Variants in PTPRD observed in about 807,000 individuals in gnomAD.
The protein encoded by PTPRD is protein tyrosine phosphatase receptor type D, also known as receptor-type tyrosine-protein phosphatase delta.
A neutral mutation model predicts 214.5 loss-of-function variants in PTPRD; 34 were observed. That is an observed-to-expected ratio of 0.16 (90% CI 0.12 to 0.21). The LOEUF (loss-of-function observed/expected upper bound fraction) is 0.21, where lower values mean the gene tolerates loss of function less well. Among genes scored for constraint, PTPRD ranks in the 10% least tolerant of loss-of-function variants. PTPRD has a pLI of 1.00. For missense variants in PTPRD, 2,545 were observed against 2,398.7 expected, an observed-to-expected ratio of 1.06 and a Z score of -1.27; for synonymous variants, 1,128 against 845.7, an observed-to-expected ratio of 1.33 and a Z score of -5.79.
intron 35 of PTPRD, among the ~76,000 whole-genome samples, chr9:8,434,669 A>G (rs1287464895): frequency 6.6e-6 from 1 of 152,198 alleles, no homozygotes; most frequent in Non-Finnish European, 1.5e-5. Flanking sequence ...CTATGAAAAA[A>G]TATCACATGG....
intron 2 of PTPRD, among the ~76,000 whole-genome samples, chr9:10,506,785 G>A (rs2046131933): frequency 6.6e-6 from 1 of 152,156 alleles, no homozygotes; most frequent in Non-Finnish European, 1.5e-5. Flanking sequence ...ATTTTAGAAT[G>A]TATTTTTGTA....
At chr9:10,382,498 C>T (rs2097844377) in intron 2 of PTPRD, among the ~76,000 whole-genome samples, 1 of 151,820 alleles carries the variant, frequency 6.6e-6, no homozygotes, top group African/African-American at 2.4e-5. Flanking sequence ...TATTGAAATA[C>T]AATCTGAATT....
intron 4 of PTPRD, among the ~76,000 whole-genome samples, chr9:9,941,320 G>C (rs1226112665): frequency 2.6e-5 from 4 of 152,084 alleles, no homozygotes; most frequent in Non-Finnish European, 5.9e-5. Context: ...TTAAGTGAAT[G>C]AAGAAATATG....
intron 14 of PTPRD, among the ~76,000 whole-genome samples, chr9:8,531,324 T>C (rs1233191755): frequency 1.3e-5 from 2 of 152,108 alleles, no homozygotes; most frequent in East Asian, 3.9e-4. Context: ...TCTTTATGGC[T>C]TTAAAGGTTT....
chr9:9,956,450 C>T (rs1306098551), intron 4 of PTPRD, among the ~76,000 whole-genome samples: 1 of 152,032 alleles, frequency 6.6e-6, no homozygotes, highest in Non-Finnish European at 1.5e-5. Context: ...AAATCCAGTT[C>T]ATTGTTTTTA....
chr9:10,286,928 C>T (rs545854540), intron 3 of PTPRD, among the ~76,000 whole-genome samples: 1 of 152,008 alleles, frequency 6.6e-6, no homozygotes, highest in Non-Finnish European at 1.5e-5. Context: ...TTGGTATCAA[C>T]CCATACACAA....
intron 4 of PTPRD, among the ~76,000 whole-genome samples, chr9:9,984,012 A>G (rs1263758536): frequency 6.6e-6 from 1 of 152,206 alleles, no homozygotes; most frequent in African/African-American, 2.4e-5. Flanking sequence ...ATATCGAAGT[A>G]AAACAAAAAA....
chr9:8,782,504 C>T (rs902750352), intron 11 of PTPRD, among the ~76,000 whole-genome samples: 2 of 151,652 alleles, frequency 1.3e-5, no homozygotes, highest in Non-Finnish European at 2.9e-5. Flanking sequence ...ATGGCTAAAA[C>T]ATATGCCAAA....
intron 6 of PTPRD, among the ~76,000 whole-genome samples, chr9:9,745,035 T>A (rs1261878951): frequency 1.3e-5 from 2 of 152,110 alleles, no homozygotes; most frequent in Non-Finnish European, 2.9e-5. Flanking sequence ...TGATTTCGAT[T>A]GAAACATTTT....
intron 6 of PTPRD, among the ~76,000 whole-genome samples, chr9:9,760,651 C>CAT (rs2098646084): frequency 1.4e-5 from 1 of 71,504 alleles, no homozygotes; most frequent in Admixed American, 1.4e-4. Flanking sequence ...CACACACACA[C>CAT]ACATATATAT....
chr9:8,485,924 G>A lies in PTPRD; in HGVS notation c.2893C>T (p.Leu965Phe), dbSNP rs1295362978. The A allele has an allele frequency of 1.9e-6, 3 of 1,614,082 alleles. No homozygotes were observed. Among genetic ancestry groups the A allele is most frequent in the South Asian group, 1.1e-5 (1 of 91,084 alleles). The change falls in exon 28 of 46, where the codon CTT (leucine) becomes TTT (phenylalanine). Residue 965 changes from leucine (L) to phenylalanine (F), a missense_variant. Coordinates refer to ENST00000381196, the MANE Select transcript of PTPRD (RefSeq NM_002839.4). ...ACAATAAGCTGCTCCATCGGGAGAAGGGGGATGTTGATATCCCTATAAAGA... is the reference window on the plus strand; with the variant it reads ...ACAATAAGCTGCTCCATCGGGAGAAAGGGGATGTTGATATCCCTATAAAGA... ...TLLYRDINIP[L>F]LPMEQLIVPA...
At chr9:9,326,211 T>C (rs569980401) in intron 9 of PTPRD, among the ~76,000 whole-genome samples, 1 of 152,264 alleles carries the variant, frequency 6.6e-6, no homozygotes, top group East Asian at 1.9e-4. Flanking sequence ...CAGGAAGCCG[T>C]ATCTTTTAGC....
At chr9:8,725,965 A>C (rs1247170109) in intron 12 of PTPRD, among the ~76,000 whole-genome samples, 2 of 151,590 alleles carry the variant, frequency 1.3e-5, no homozygotes, top group African/African-American at 2.4e-5. Context: ...CACTGTTTAA[A>C]ATTTTTATAT....
At chr9:8,910,995 A>G (rs2098742948) in intron 11 of PTPRD, among the ~76,000 whole-genome samples, 1 of 152,212 alleles carries the variant, frequency 6.6e-6, no homozygotes, top group Non-Finnish European at 1.5e-5. Context: ...GATTAAAGAC[A>G]CTATTATTAA....
chr9:9,840,729 C>G (rs1484582619), intron 5 of PTPRD, among the ~76,000 whole-genome samples: 4 of 117,718 alleles, frequency 3.4e-5, no homozygotes, highest in African/African-American at 1.3e-4. Flanking sequence ...CACCACTGCA[C>G]TCCAGCCTGG....
In PTPRD at chr9:9,031,214, T is replaced by C. The variant is rs569858617; in HGVS notation, c.-142-12479A>G. Among the ~76,000 whole-genome samples the C allele has an allele frequency of 7.6e-4, 114 of 149,466 alleles. 1 individual carries two copies. The highest frequency in any genetic ancestry group is 2.5e-3 in the African/African-American group (101 of 40,626). Reference sequence around the variant, plus strand: ...ACCATATAAATACTTACTAGTATTATATTACTAATGCCTGAAAGGTCCTTG... The same window carrying C: ...ACCATATAAATACTTACTAGTATTACATTACTAATGCCTGAAAGGTCCTTG... On this transcript the variant is annotated intron_variant, in intron 10 of 45. Transcript: ENST00000381196.
At chr9:10,193,037 A>T (rs968757874) in intron 3 of PTPRD, among the ~76,000 whole-genome samples, 2 of 152,114 alleles carry the variant, frequency 1.3e-5, no homozygotes, top group Non-Finnish European at 2.9e-5. Flanking sequence ...ATTACAGTAT[A>T]GGCCAATTTT....
At chr9:9,458,933 C>T (rs1033478028) in intron 8 of PTPRD, among the ~76,000 whole-genome samples, 8 of 151,976 alleles carry the variant, frequency 5.3e-5, no homozygotes, top group Admixed American at 3.9e-4. Context: ...GAGCAAGACC[C>T]TGTCTAAAAA....
At chr9:10,139,610 C>T (rs1193637106) in intron 3 of PTPRD, among the ~76,000 whole-genome samples, 2 of 151,872 alleles carry the variant, frequency 1.3e-5, no homozygotes, top group Admixed American at 1.3e-4. Flanking sequence ...ACGAAATGAG[C>T]TGGAGATATG....
Sources: gnomAD v4.1 joint callset for allele counts (sites outside exome capture counted in the v4.1 genomes callset) on GRCh38, gnomAD v4.1.1 for gene constraint, MANE v1.5 for transcripts, NCBI Gene and HGNC (gene_info 2026-07-23, HGNC 2026-07-21) for gene names.